EPRS1: variants seen among roughly 807,000 people sequenced by gnomAD.
EPRS1 encodes bifunctional glutamate/proline--tRNA ligase.
In EPRS1, 107 loss-of-function variants were observed where a neutral mutation model predicts 188.3. The observed-to-expected ratio is 0.57, with a 90% CI of 0.49 to 0.67. EPRS1 has a LOEUF of 0.67. EPRS1 is among the 30% of genes least tolerant of loss of function. EPRS1 has a pLI of 0.00. For missense variants in EPRS1, 1,577 were observed against 1,802.2 expected, an observed-to-expected ratio of 0.88 and a Z score of 2.26; for synonymous variants, 596 against 593.1, an observed-to-expected ratio of 1.00 and a Z score of -0.07.
At chr1:220,040,977 T>C (rs1662282367) in intron 1 of EPRS1, among the ~76,000 whole-genome samples, 1 of 151,670 alleles carries the variant, frequency 6.6e-6, no homozygotes. Flanking sequence ...GTGACTATTA[T>C]ATCTTAGTCA....
At chr1:219,987,903 A>G (rs1284791173) in intron 19 of EPRS1, among the ~76,000 whole-genome samples, 2 of 152,200 alleles carry the variant, frequency 1.3e-5, no homozygotes, top group Non-Finnish European at 2.9e-5. Flanking sequence ...GCTAATGACT[A>G]CTGTATTAGA....
At chr1:219,974,994 C>T (rs1285728360) in intron 28 of EPRS1, among the ~76,000 whole-genome samples, 4 of 151,808 alleles carry the variant, frequency 2.6e-5, no homozygotes, top group Non-Finnish European at 4.4e-5. Flanking sequence ...ATTATTCGTC[C>T]GAATTAAAAA....
chr1:220,024,025 G>A lies in EPRS1; in HGVS notation c.943+239C>T, dbSNP rs112998738. On this transcript the variant is annotated intron_variant, in intron 8 of 31. Coordinates refer to ENST00000366923, the MANE Select transcript of EPRS1 (RefSeq NM_004446.3). ...AAATTAGCAAGGTGTGGTGGTGCAC[G>A]CCTGTCATCCCAGCTACTTGGGAGG... Among the ~76,000 whole-genome samples, 813 of 152,210 alleles carry A rather than the reference G, an allele frequency of 5.3e-3. 7 individuals carry two copies. Among genetic ancestry groups the A allele is most frequent in the African/African-American group, 0.019 (788 of 41,538 alleles).
At chr1:220,042,272 C>A in intron 1 of EPRS1, among the ~76,000 whole-genome samples, 1 of 150,872 alleles carries the variant, frequency 6.6e-6, no homozygotes, top group East Asian at 2.0e-4. Context: ...TGCCTGAGCT[C>A]AGGAGTTCGA....
chr1:220,020,870 A>ATG lies in EPRS1; in HGVS notation c.1116-650_1116-649insCA, dbSNP rs1219334636. 6.0e-4 allele frequency among the ~76,000 whole-genome samples: 46 copies of ATG among 77,288 alleles called. 1 individual carries two copies. Among genetic ancestry groups the ATG allele is most frequent in the Middle Eastern group, 7.9e-3 (1 of 126 alleles). 50.7% of individuals were successfully genotyped at this position (77,288 alleles called of 152,430 possible). A position where few individuals can be genotyped will look rare whatever the true frequency, so the allele number is the denominator to read the frequency against. ...TATATATATATATATATATATATAT[A>ATG]TTAGTGCATTATGCTTTCTTTCTTT... is the stretch of plus-strand genomic sequence containing the variant. On this transcript the variant is annotated intron_variant, in intron 9 of 31. Transcript: ENST00000366923.
intron 18 of EPRS1, among the ~76,000 whole-genome samples, chr1:219,990,585 C>G (rs553969655): frequency 4.3e-4 from 65 of 152,220 alleles, no homozygotes; most frequent in African/African-American, 1.3e-3. Flanking sequence ...ATTTGAATCC[C>G]GAGTTTATTC....
chr1:220,014,060 G>A (rs940769357), intron 12 of EPRS1, among the ~76,000 whole-genome samples: 2 of 152,208 alleles, frequency 1.3e-5, no homozygotes, highest in Admixed American at 1.3e-4. Context: ...GGGCACAGTG[G>A]CTCACGCCTG....
intron 6 of EPRS1, among the ~76,000 whole-genome samples, chr1:220,028,770 A>G (rs1189613334): frequency 6.6e-6 from 1 of 150,504 alleles, no homozygotes; most frequent in African/African-American, 2.4e-5. Flanking sequence ...TTAGCTAAGA[A>G]TAAGAATAAA....
At chr1:219,985,049 G>C (rs145581165) in intron 20 of EPRS1, among the ~76,000 whole-genome samples, 22 of 95,230 alleles carry the variant, frequency 2.3e-4, no homozygotes, top group African/African-American at 6.6e-4. Flanking sequence ...CGTCTCAAAA[G>C]AAAAAAAAAA....
At position 219,980,759 on chromosome 1, in the gene EPRS1, T is replaced by C; in HGVS notation, c.3552A>G (p.Glu1184=). The C allele has an allele frequency of 1.2e-6, 2 of 1,605,276 alleles. No individual in the cohort carries two copies. The highest frequency in any genetic ancestry group is 1.7e-6 in the Non-Finnish European group (2 of 1,173,012). ...TATGGAAAATAACTTTTTATACCTC[T>C]TCCGCTGCCTCTTCCATGGTAGCAA... The part of the protein sequence containing the change: ...SAFATMEEAA[E]EVLQILDLYA... The change falls in exon 25 of 32, where the codon GAA becomes GAG. Residue 1184 remains glutamate, a synonymous_variant. Transcript: ENST00000366923.
intron 1 of EPRS1, among the ~76,000 whole-genome samples, chr1:220,042,181 CAAA>C (rs1204286086): frequency 8.0e-5 from 5 of 62,648 alleles, no homozygotes; most frequent in South Asian, 5.3e-4. Context: ...ACTCCGTCCC[CAAA>C]AAAAAAAAAA....
chr1:220,027,814 C>T (rs1235034819), intron 6 of EPRS1, among the ~76,000 whole-genome samples: 1 of 151,210 alleles, frequency 6.6e-6, no homozygotes, highest in Non-Finnish European at 1.5e-5. Flanking sequence ...GGAACTCTGT[C>T]TCTACTAAAA....
intron 27 of EPRS1, 42 bp from the exon 28 acceptor site, chr1:219,978,761 A>C: frequency 6.6e-7 from 1 of 1,504,918 alleles, no homozygotes; most frequent in Non-Finnish European, 9.0e-7. Flanking sequence ...AAAGAAACAG[A>C]TATAGAAGTA....
intron 17 of EPRS1, among the ~76,000 whole-genome samples, chr1:219,999,883 A>C (rs2647446): frequency 5.9e-5 from 9 of 152,028 alleles, no homozygotes; most frequent in Admixed American, 5.9e-4. Context: ...GGCTGAGGCA[A>C]GAAAATCGCT....
chr1:219,969,653 G>GAAAA (rs71560594), intron 30 of EPRS1, among the ~76,000 whole-genome samples: 1 of 141,866 alleles, frequency 7.0e-6, no homozygotes. Context: ...TTTGTGTAAG[G>GAAAA]AAAAAAAAAA....
At chr1:219,996,123 CTA>C (rs1248907574) in intron 18 of EPRS1, among the ~76,000 whole-genome samples, 3 of 152,214 alleles carry the variant, frequency 2.0e-5, no homozygotes, top group African/African-American at 7.2e-5. Flanking sequence ...CTTTCACAGT[CTA>C]TACAGATGCC....
At position 219,984,676 on chromosome 1, in the gene EPRS1, G is replaced by A. The variant is rs115207263; in HGVS notation, c.3039-419C>T. Among the ~76,000 whole-genome samples the A allele has an allele frequency of 6.2e-3, 941 of 152,196 alleles. 13 individuals carry two copies. The highest frequency in any genetic ancestry group is 0.021 in the African/African-American group (891 of 41,518). Reference sequence around the variant, plus strand: ...GGCCTCATGCAATCCTCCTGTTCTGGCCTCCCAGAGTGCTGGGATTACAGG... The same window carrying A: ...GGCCTCATGCAATCCTCCTGTTCTGACCTCCCAGAGTGCTGGGATTACAGG... On this transcript the variant is annotated intron_variant, in intron 20 of 31. Transcript: ENST00000366923.
At chr1:219,983,478 A>G in intron 21 of EPRS1, 80 bp from the exon 22 acceptor site, 1 of 985,408 alleles carries the variant, frequency 1.0e-6, no homozygotes, top group Non-Finnish European at 1.5e-6. Flanking sequence ...GATAACCAAA[A>G]TTCAAATCTG....
chr1:220,040,799 G>A (rs750537680), intron 1 of EPRS1, among the ~76,000 whole-genome samples: 1 of 150,492 alleles, frequency 6.6e-6, no homozygotes, highest in East Asian at 2.0e-4. Context: ...GTGGTGAGCC[G>A]AGATTGAGCC....
Sources: gnomAD v4.1 joint callset for allele counts (sites outside exome capture counted in the v4.1 genomes callset) on GRCh38, gnomAD v4.1.1 for gene constraint, MANE v1.5 for transcripts, NCBI Gene and HGNC (gene_info 2026-07-23, HGNC 2026-07-21) for gene names.